The following RAP1GAP2 variants were observed in gnomAD, a reference collection of about 807,000 sequenced individuals.
The protein encoded by RAP1GAP2 is rap1 GTPase-activating protein 2.
Under a neutral mutation model 95.0 loss-of-function variants are expected in RAP1GAP2, and 27 were observed. The ratio of observed to expected loss-of-function variants is 0.28; its 90% confidence interval spans 0.21 to 0.39. The LOEUF (loss-of-function observed/expected upper bound fraction) is 0.39, where lower values mean the gene tolerates loss of function less well. RAP1GAP2 is among the 10% of genes least tolerant of loss of function. The pLI, the probability that RAP1GAP2 is intolerant of heterozygous loss-of-function variation, is 1.00. For synonymous variants in RAP1GAP2, 373 were observed against 380.9 expected (o/e 0.98, Z 0.24); for missense variants, 771 against 970.0 (o/e 0.79, Z 2.72).
chr17:2,808,726 C>T (rs2069626794), intron 2 of RAP1GAP2, among the ~76,000 whole-genome samples: 1 of 152,204 alleles, frequency 6.6e-6, no homozygotes, highest in African/African-American at 2.4e-5. Flanking sequence ...CCATTTCTGT[C>T]TTGAGTGGCA....
intron 12 of RAP1GAP2, among the ~76,000 whole-genome samples, chr17:2,992,156 A>G (rs2045781585): frequency 6.9e-6 from 1 of 144,764 alleles, no homozygotes; most frequent in African/African-American, 2.5e-5. Flanking sequence ...TCCATACAAC[A>G]GTCTATGCTT....
rs1256734479 is a variant in RAP1GAP2 at position 3,033,947 on chromosome 17, A to G, written c.*586A>G. The G allele has an allele frequency of 2.0e-5, 3 of 152,512 alleles. No homozygotes were observed. The highest frequency in any genetic ancestry group is 2.1e-4 in the South Asian group (1 of 4,830). 9.4% of individuals were successfully genotyped at this position (152,512 alleles called of 1,614,324 possible). A position where few individuals can be genotyped will look rare whatever the true frequency, so the allele number is the denominator to read the frequency against. On this transcript the variant is annotated 3_prime_UTR_variant, in exon 25 of 25. Transcript: ENST00000254695. The surrounding 1 kb of genome is among the most constrained non-coding windows in gnomAD (Gnocchi z 4.9). ...GTAGCTCTGGAGCTCTAAACCGTCT[A>G]TCTGCTTCTGTGCTGAACGCCTTTC...
intron 2 of RAP1GAP2, among the ~76,000 whole-genome samples, chr17:2,889,891 T>A (rs202195257): frequency 0.11 from 5,136 of 46,008 alleles, 129 homozygotes; most frequent in East Asian, 0.22. Context: ...ATATATATAT[T>A]TTTTTTTTTT....
At chr17:2,907,712 C>T (rs1032146672) in intron 3 of RAP1GAP2, among the ~76,000 whole-genome samples, 1 of 152,092 alleles carries the variant, frequency 6.6e-6, no homozygotes, top group African/African-American at 2.4e-5. Flanking sequence ...TCTTGCTGTT[C>T]AAAGGGAGGC....
chr17:2,822,209 T>C (rs1466957193), intron 2 of RAP1GAP2, among the ~76,000 whole-genome samples: 1 of 152,168 alleles, frequency 6.6e-6, no homozygotes. Flanking sequence ...GTATGTACCA[T>C]TGAGACATGA....
chr17:2,953,761 C>T (rs563122104), intron 3 of RAP1GAP2, among the ~76,000 whole-genome samples: 71 of 152,196 alleles, frequency 4.7e-4, no homozygotes, highest in African/African-American at 1.6e-3. Context: ...GCAGGAGAAT[C>T]GCTTGAACCC....
At chr17:2,805,280 G>A (rs1185008627) in intron 2 of RAP1GAP2, among the ~76,000 whole-genome samples, 1 of 152,136 alleles carries the variant, frequency 6.6e-6, no homozygotes, top group Non-Finnish European at 1.5e-5. Flanking sequence ...GGTGCCTGGG[G>A]TTTTCTTGTG....
chr17:2,890,777 T>C (rs558960680), intron 2 of RAP1GAP2, among the ~76,000 whole-genome samples: 2 of 150,974 alleles, frequency 1.3e-5, no homozygotes, highest in South Asian at 2.1e-4. Context: ...CTCCGCCTCC[T>C]GGGTTCACAC....
chr17:3,011,769 G>A (rs28752085), intron 17 of RAP1GAP2, among the ~76,000 whole-genome samples: 3,374 of 151,910 alleles, frequency 0.022, 119 homozygotes, highest in African/African-American at 0.066. Context: ...ACAGGTGCCC[G>A]CCACCACACA....
rs199640612 is a variant in RAP1GAP2 at position 2,757,339 on chromosome 17, C to T, written c.50+1572C>T. Among the ~76,000 whole-genome samples, 3 of 152,086 alleles carry T rather than the reference C, an allele frequency of 2.0e-5. No homozygotes were observed. In the East Asian group the frequency reaches 5.8e-4, roughly 29 times the overall value. ...TTTCACCATATTGTCCATAGCTAGT[C>T]TCGAACTCCTGGGCTCGAGCGATCT... On this transcript the variant is annotated intron_variant, in intron 1 of 25. Transcript: ENST00000637138.
At chr17:2,808,580 G>A (rs1248336212) in intron 2 of RAP1GAP2, among the ~76,000 whole-genome samples, 1 of 152,186 alleles carries the variant, frequency 6.6e-6, no homozygotes, top group Non-Finnish European at 1.5e-5. Context: ...TCGCTGGCCC[G>A]GCTCGGCTCC....
At chr17:3,031,273 C>T (rs531381495) in intron 23 of RAP1GAP2, among the ~76,000 whole-genome samples, 1 of 152,248 alleles carries the variant, frequency 6.6e-6, no homozygotes, top group African/African-American at 2.4e-5. Flanking sequence ...CAGTCCCTTC[C>T]TGAGCTCTCC....
chr17:2,835,080 T>G (rs1007611810), intron 2 of RAP1GAP2, among the ~76,000 whole-genome samples: 34 of 97,852 alleles, frequency 3.5e-4, no homozygotes, highest in Non-Finnish European at 4.7e-4. Flanking sequence ...CCACCACACC[T>G]GGCTAATTTT....
chr17:2,832,220 A>AAC (rs1555549690), intron 2 of RAP1GAP2, among the ~76,000 whole-genome samples: 1 of 148,332 alleles, frequency 6.7e-6, no homozygotes, highest in Non-Finnish European at 1.5e-5. Context: ...AAAAAAGAAA[A>AAC]CAAAAAAACC....
intron 19 of RAP1GAP2, among the ~76,000 whole-genome samples, chr17:3,021,945 A>G (rs1004727703): frequency 6.6e-6 from 1 of 152,224 alleles, no homozygotes; most frequent in African/African-American, 2.4e-5. Flanking sequence ...TGCAATAAAC[A>G]TGGGAGTGCA....
intron 3 of RAP1GAP2, among the ~76,000 whole-genome samples, chr17:2,944,439 T>C (rs1434436420): frequency 6.6e-6 from 1 of 152,236 alleles, no homozygotes; most frequent in Non-Finnish European, 1.5e-5. Flanking sequence ...CAAAACACAG[T>C]TGGCCATAGA....
At chr17:2,823,046 C>T (rs955092311) in intron 2 of RAP1GAP2, among the ~76,000 whole-genome samples, 1 of 152,082 alleles carries the variant, frequency 6.6e-6, no homozygotes, top group Admixed American at 6.6e-5. Flanking sequence ...AGCCCTGTGG[C>T]GAGTCTCTTG....
chr17:2,933,125 G>A (rs2043207988), intron 3 of RAP1GAP2, among the ~76,000 whole-genome samples: 1 of 152,254 alleles, frequency 6.6e-6, no homozygotes, highest in South Asian at 2.1e-4. Flanking sequence ...GGAGAGGGCG[G>A]GAAGAGAGAA....
intron 19 of RAP1GAP2, among the ~76,000 whole-genome samples, 193 bp from the exon 20 acceptor site, chr17:3,025,815 C>T (rs568930572): frequency 3.3e-5 from 5 of 152,254 alleles, no homozygotes; most frequent in South Asian, 4.1e-4. Flanking sequence ...TTGTAGGGAC[C>T]GGGAAACCCT....
Sources: allele counts gnomAD v4.1 joint callset (sites outside exome capture counted in the v4.1 genomes callset), GRCh38; gene constraint gnomAD v4.1.1; non-coding constraint Gnocchi (gnomAD v3.1); transcripts MANE v1.5; gene names NCBI Gene and HGNC (gene_info 2026-07-23, HGNC 2026-07-21).